The following PCDHA13 variants were observed in gnomAD, a reference collection of about 807,000 sequenced individuals.
PCDHA13 encodes protocadherin alpha-13.
Under a neutral mutation model 64.8 loss-of-function variants are expected in PCDHA13, and 54 were observed. The observed-to-expected ratio is 0.83, with a 90% confidence interval of 0.67 to 1.04. PCDHA13 has a LOEUF of 1.04. Among genes scored for constraint, PCDHA13 ranks in the 50% least tolerant of loss-of-function variants. The pLI is 0.00. For missense variants in PCDHA13, 1,248 were observed against 1,254.3 expected, an observed-to-expected ratio of 0.99 and a Z score of 0.08; for synonymous variants, 587 against 564.4, an observed-to-expected ratio of 1.04 and a Z score of -0.57.
chr5:140,918,868 T>C (rs1584116749), intron 1 of PCDHA13, among the ~76,000 whole-genome samples: 1 of 152,216 alleles, frequency 6.6e-6, no homozygotes, highest in Admixed American at 6.5e-5. Context: ...TCATGAACTT[T>C]CAAGCCTCTA....
chr5:140,900,927 G>A (rs2068371563), intron 1 of PCDHA13, among the ~76,000 whole-genome samples: 2 of 152,056 alleles, frequency 1.3e-5, no homozygotes, highest in South Asian at 4.1e-4. Context: ...ATATCTCATT[G>A]TAGTTTTGAT....
intron 1 of PCDHA13, among the ~76,000 whole-genome samples, chr5:140,965,140 TG>T (rs1191631396): frequency 2.0e-5 from 3 of 152,150 alleles, no homozygotes; most frequent in Non-Finnish European, 4.4e-5. Flanking sequence ...GACAGAATAC[TG>T]GGAGATGAAG....
intron 1 of PCDHA13, among the ~76,000 whole-genome samples, chr5:140,946,184 C>T (rs2093899107): frequency 6.6e-6 from 1 of 151,990 alleles, no homozygotes; most frequent in African/African-American, 2.4e-5. Context: ...TGTGAATAGA[C>T]ATTTCTCAAA....
intron 1 of PCDHA13, among the ~76,000 whole-genome samples, chr5:140,894,577 T>A (rs1409232453): frequency 4.6e-5 from 7 of 152,030 alleles, no homozygotes; most frequent in African/African-American, 9.6e-5. Flanking sequence ...TCCTTTTTTT[T>A]AATATTTTAC....
chr5:140,940,552 G>A (rs1198606745), intron 1 of PCDHA13, among the ~76,000 whole-genome samples: 4 of 152,018 alleles, frequency 2.6e-5, no homozygotes, highest in African/African-American at 9.7e-5. Flanking sequence ...GGGCTCAAGT[G>A]ATTCTCCTAC....
chr5:140,967,854 C>T (rs782783470), intron 1 of PCDHA13: 1 of 1,614,154 alleles, frequency 6.2e-7, no homozygotes, highest in South Asian at 1.1e-5. Flanking sequence ...GACAATGCCC[C>T]AGAGGTGGTG....
chr5:140,970,687 CT>C (rs1464659851), intron 1 of PCDHA13, among the ~76,000 whole-genome samples: 1 of 152,078 alleles, frequency 6.6e-6, no homozygotes, highest in Non-Finnish European at 1.5e-5. Flanking sequence ...GTAGAAAGGG[CT>C]TTTAGAGCTA....
chr5:140,969,222 C>T (rs782010447), intron 1 of PCDHA13: 1 of 1,614,154 alleles, frequency 6.2e-7, no homozygotes, highest in Non-Finnish European at 8.5e-7. Flanking sequence ...GGACCAGGGC[C>T]TTCGGGAGCC....
At chr5:140,995,424 A>G (rs868948138) in intron 3 of PCDHA13, among the ~76,000 whole-genome samples, 10 of 152,186 alleles carry the variant, frequency 6.6e-5, no homozygotes, top group South Asian at 2.1e-4. Flanking sequence ...ATTACTCAGA[A>G]CAGCTTGCAA....
intron 1 of PCDHA13, among the ~76,000 whole-genome samples, chr5:140,917,324 C>CG (rs1299895515): frequency 0.012 from 918 of 74,422 alleles, 22 homozygotes; most frequent in East Asian, 0.019. Flanking sequence ...GTTCATGTGG[C>CG]GGGGGAGGGG....
Position 140,884,241 on chromosome 5 carries a change from C to A in PCDHA13, c.1973C>A (p.Ala658Glu), listed in dbSNP as rs782355331. ...LVLVKDHGEP[A>E]LTATATVLLS... ...CTGGTGAAGGACCACGGTGAGCCCG[C>A]GCTGACGGCCACGGCAACGGTGCTG... Residue 658 changes from alanine to glutamate, a missense_variant, in exon 1 of 4, where the codon GCG (alanine) becomes GAG (glutamate). Physicochemically the swap from Ala to Glu is moderately radical, Grantham distance 107 (BLOSUM62 -1). Transcript: ENST00000289272. 3.1e-6 allele frequency: 5 copies of A among 1,613,408 alleles called. No homozygotes were observed. Among genetic ancestry groups the A allele is most frequent in the Non-Finnish European group, 4.2e-6 (5 of 1,179,700 alleles).
At chr5:140,919,926 T>C (rs1040693581) in intron 1 of PCDHA13, among the ~76,000 whole-genome samples, 18 of 152,088 alleles carry the variant, frequency 1.2e-4, no homozygotes, top group African/African-American at 4.1e-4. Flanking sequence ...AATTTTCAGG[T>C]GGGGGCTAAT....
Position 140,884,183 on chromosome 5 carries a change from G to A in PCDHA13, c.1915G>A (p.Glu639Lys), listed in dbSNP as rs201206731. The A allele has an allele frequency of 6.2e-7, 1 of 1,613,424 alleles. No individual in the cohort carries two copies. The highest frequency in any genetic ancestry group is 8.5e-7 in the Non-Finnish European group (1 of 1,179,740). The part of the protein sequence containing the change: ...GEISTTRPLD[E>K]VDAPHHRLLV... ...GATCAGCACGACGCGCCCTCTGGACGAGGTGGACGCGCCGCACCACCGCCT... is the reference window on the plus strand; with the variant it reads ...GATCAGCACGACGCGCCCTCTGGACAAGGTGGACGCGCCGCACCACCGCCT... The change falls in exon 1 of 4, where the codon GAG (glutamate) becomes AAG (lysine). Residue 639 changes from glutamate (E) to lysine (K), a missense_variant. Glu to Lys is a moderately conservative substitution (Grantham distance 56). Coordinates refer to ENST00000289272, the MANE Select transcript of PCDHA13 (RefSeq NM_018904.3).
At chr5:140,896,071 A>G (rs551803461) in intron 1 of PCDHA13, among the ~76,000 whole-genome samples, 1 of 152,248 alleles carries the variant, frequency 6.6e-6, no homozygotes, top group African/African-American at 2.4e-5. Context: ...TCGGCCTCCC[A>G]ACATGCTGGG....
At chr5:140,929,530 G>A in intron 1 of PCDHA13, 1 of 636,248 alleles carries the variant, frequency 1.6e-6, no homozygotes, top group Non-Finnish European at 2.3e-6. Flanking sequence ...GTTTATTTTT[G>A]AGAAACAAGG....
chr5:140,883,493 C>T lies in PCDHA13; in HGVS notation c.1225C>T (p.Leu409=), dbSNP rs1554178441. 6.2e-7 allele frequency: 1 copy of T among 1,614,174 alleles called. No homozygotes were observed. Among genetic ancestry groups the T allele is most frequent in the Non-Finnish European group, 8.5e-7 (1 of 1,180,058 alleles). The change falls in exon 1 of 4, where the codon CTG becomes TTG. Residue 409 remains leucine, a synonymous_variant. Transcript: ENST00000289272. ...CTACAAGAACTACTACTCATTAGTG[C>T]TGGACAGCGCCCTGGACCGCGAGAG... ...STYKNYYSLV[L]DSALDRESVS...
intron 1 of PCDHA13, among the ~76,000 whole-genome samples, chr5:140,912,823 G>C (rs2076078264): frequency 6.6e-6 from 1 of 152,090 alleles, no homozygotes; most frequent in Non-Finnish European, 1.5e-5. Context: ...AAGGGATTTT[G>C]AATTTTATTA....
chr5:140,985,739 C>CTTTT (rs11372071), intron 3 of PCDHA13, among the ~76,000 whole-genome samples: 9 of 117,918 alleles, frequency 7.6e-5, no homozygotes, highest in East Asian at 2.5e-4. Flanking sequence ...TGATGAATTC[C>CTTTT]TTTTTTTTTT....
At chr5:141,000,639 G>A (rs1375900945) in intron 3 of PCDHA13, among the ~76,000 whole-genome samples, 2 of 151,186 alleles carry the variant, frequency 1.3e-5, no homozygotes, top group East Asian at 1.9e-4. Flanking sequence ...TGTTGGGCAG[G>A]CTGGTCTCGA....
Sources: allele counts gnomAD v4.1 joint callset (sites outside exome capture counted in the v4.1 genomes callset), GRCh38; gene constraint gnomAD v4.1.1; transcripts MANE v1.5; gene names NCBI Gene and HGNC (gene_info 2026-07-23, HGNC 2026-07-21).